Variants in PTPRG observed in about 807,000 individuals in gnomAD.
PTPRG encodes protein tyrosine phosphatase receptor type G.
PTPRG carries 102 observed loss-of-function variants against 165.3 expected under a neutral mutation model. The ratio of observed to expected loss-of-function variants is 0.62; its 90% CI spans 0.53 to 0.73. The LOEUF (loss-of-function observed/expected upper bound fraction) is 0.73. Among genes scored for constraint, PTPRG ranks in the 30% least tolerant of loss-of-function variants. The probability of loss-of-function intolerance (pLI) is 0.00; values close to 1 mark genes in which losing one functional copy is unlikely to be tolerated. For missense variants in PTPRG, 1,866 were observed against 1,861.4 expected (o/e 1.00, Z -0.05); for synonymous variants, 675 against 669.5 (o/e 1.01, Z -0.13).
chr3:62,212,173 G>A (rs1331036562), intron 12 of PTPRG, among the ~76,000 whole-genome samples: 1 of 152,044 alleles, frequency 6.6e-6, no homozygotes, highest in Non-Finnish European at 1.5e-5. Context: ...TCAGGAGCAG[G>A]CTCATTCTTT....
intron 1 of PTPRG, among the ~76,000 whole-genome samples, chr3:61,623,097 G>A (rs1254761067): frequency 6.6e-6 from 1 of 152,162 alleles, no homozygotes. Context: ...GTAAACAATA[G>A]AATGGATTAT....
intron 2 of PTPRG, among the ~76,000 whole-genome samples, chr3:61,886,163 C>T (rs757695300): frequency 4.6e-5 from 7 of 152,064 alleles, no homozygotes; most frequent in Non-Finnish European, 1.0e-4. Context: ...TATTCCTGCT[C>T]GATCCTTCCT....
intron 2 of PTPRG, among the ~76,000 whole-genome samples, chr3:61,856,916 C>A (rs2037122422): frequency 6.6e-6 from 1 of 152,180 alleles, no homozygotes; most frequent in Non-Finnish European, 1.5e-5. Flanking sequence ...AGCAGTACTG[C>A]TATATGATGT....
intron 2 of PTPRG, among the ~76,000 whole-genome samples, chr3:61,837,776 C>G (rs1186096107): frequency 2.0e-5 from 3 of 152,230 alleles, no homozygotes; most frequent in Non-Finnish European, 2.9e-5. Flanking sequence ...TATAACACCA[C>G]AAACTGGGTG....
chr3:61,872,971 T>G (rs1172997642), intron 2 of PTPRG, among the ~76,000 whole-genome samples: 1 of 152,238 alleles, frequency 6.6e-6, no homozygotes, highest in Non-Finnish European at 1.5e-5. Context: ...GAGTTGATTG[T>G]GGGTCAGGCC....
intron 4 of PTPRG, among the ~76,000 whole-genome samples, chr3:62,039,867 TTAAG>T (rs1461602559): frequency 1.3e-5 from 2 of 152,296 alleles, no homozygotes; most frequent in East Asian, 3.9e-4. Context: ...GTGCTAATCA[TTAAG>T]TATGTTTAAT....
At chr3:62,125,717 A>G (rs1011353258) in intron 5 of PTPRG, among the ~76,000 whole-genome samples, 13 of 150,762 alleles carry the variant, frequency 8.6e-5, no homozygotes, top group Non-Finnish European at 1.0e-4. Context: ...ACGTCATGAC[A>G]ATATCTGTGT....
chr3:61,957,824 T>A (rs575407640), intron 2 of PTPRG, among the ~76,000 whole-genome samples: 1 of 152,322 alleles, frequency 6.6e-6, no homozygotes, highest in Non-Finnish European at 1.5e-5. Flanking sequence ...ATCACCCCAC[T>A]TGAAAGCCTC....
intron 12 of PTPRG, among the ~76,000 whole-genome samples, chr3:62,216,286 G>T (rs769356880): frequency 7.9e-5 from 12 of 151,900 alleles, no homozygotes; most frequent in Non-Finnish European, 1.5e-4. Context: ...GGATATAAGT[G>T]TGAGGGACTA....
chr3:61,772,058 TAAAA>T (rs71100977), intron 2 of PTPRG, among the ~76,000 whole-genome samples: 3 of 64,782 alleles, frequency 4.6e-5, no homozygotes, highest in Admixed American at 2.0e-4. Context: ...AGACTCTGTC[TAAAA>T]AAAAAAAAAA....
Position 61,563,714 on chromosome 3 carries a change from C to A in PTPRG, c.85+1342C>A, listed in dbSNP as rs116744947. ...CTCTGCCTGGTTACAGACGCCTGTCCTCGGGCGGCTGGAGCGCCCGTTTTT... is the reference window on the plus strand; with the variant it reads ...CTCTGCCTGGTTACAGACGCCTGTCATCGGGCGGCTGGAGCGCCCGTTTTT... On this transcript the variant is annotated intron_variant, in intron 1 of 29. Transcript: ENST00000474889. 7.1e-3 allele frequency among the ~76,000 whole-genome samples: 1,076 copies of A among 152,328 alleles called. 16 individuals carry two copies. Among genetic ancestry groups the A allele is most frequent in the African/African-American group, 0.024 (1,014 of 41,586 alleles).
In PTPRG at chr3:62,271,596, G is replaced by T. The variant is rs1284714808; in HGVS notation, c.3182+41G>T. The T allele has an allele frequency of 6.4e-7, 1 of 1,569,600 alleles. No individual in the cohort carries two copies. Among genetic ancestry groups the T allele is most frequent in the South Asian group, 1.2e-5 (1 of 84,636 alleles). On this transcript the variant is annotated intron_variant, in intron 21 of 29. Coordinates refer to ENST00000474889, the MANE Select transcript of PTPRG (RefSeq NM_002841.4). The surrounding 1 kb of genome is among the most constrained non-coding windows in gnomAD (Gnocchi z 4.1). ...CAACATGTGAAATAGATGGGGCAGG[G>T]GACTTAGGCCTCAGTGACCTTGGAC...
chr3:62,260,810 A>G (rs1029455788), intron 16 of PTPRG: 1 of 152,210 alleles, frequency 6.6e-6, no homozygotes, highest in Non-Finnish European at 1.5e-5. Context: ...TACAGATGAC[A>G]TTATTATCTA....
intron 2 of PTPRG, among the ~76,000 whole-genome samples, chr3:61,828,892 G>C (rs2036189639): frequency 6.6e-6 from 1 of 151,884 alleles, no homozygotes; most frequent in Non-Finnish European, 1.5e-5. Context: ...TTTTTCCCTT[G>C]GTCATGGGTG....
At chr3:61,945,044 C>T (rs888067705) in intron 2 of PTPRG, among the ~76,000 whole-genome samples, 2 of 152,170 alleles carry the variant, frequency 1.3e-5, no homozygotes, top group Admixed American at 6.6e-5. Flanking sequence ...GTTTCTTTGT[C>T]GTCTTTTCTC....
chr3:61,863,462 A>G (rs1226779129), intron 2 of PTPRG, among the ~76,000 whole-genome samples: 1 of 152,256 alleles, frequency 6.6e-6, no homozygotes, highest in Non-Finnish European at 1.5e-5. Flanking sequence ...GAGCAAGGCA[A>G]TTAGAATGTG....
chr3:61,607,458 T>C (rs137945184), intron 1 of PTPRG, among the ~76,000 whole-genome samples: 1,143 of 30,022 alleles, frequency 0.038, 10 homozygotes, highest in South Asian at 0.12. Flanking sequence ...CAAACACTAC[T>C]GTCAGTCTGA....
chr3:62,167,839 G>A, intron 7 of PTPRG, 132 bp from the exon 8 acceptor site: 1 of 849,070 alleles, frequency 1.2e-6, no homozygotes, highest in Non-Finnish European at 1.8e-6. Flanking sequence ...TAGCAGCCCT[G>A]GCATTGGGCA....
intron 2 of PTPRG, among the ~76,000 whole-genome samples, chr3:61,837,695 G>C (rs2036510731): frequency 6.6e-6 from 1 of 152,164 alleles, no homozygotes; most frequent in Admixed American, 6.5e-5. Context: ...TGCTTTCACT[G>C]ATCAATTTTG....
Sources: allele counts gnomAD v4.1 joint callset (sites outside exome capture counted in the v4.1 genomes callset), GRCh38; gene constraint gnomAD v4.1.1; non-coding constraint Gnocchi (gnomAD v3.1); transcripts MANE v1.5; gene names NCBI Gene and HGNC (gene_info 2026-07-23, HGNC 2026-07-21).